The following DNAAF3 variants were observed in gnomAD, a reference collection of about 807,000 sequenced individuals.
The protein encoded by DNAAF3 is UPF0470 protein C19orf51.
In DNAAF3, 40 loss-of-function variants were observed where a neutral mutation model predicts 50.9. That is an observed-to-expected ratio of 0.79 (90% CI 0.61 to 1.02). The LOEUF is 1.02. Among genes scored for constraint, DNAAF3 ranks in the 50% least tolerant of loss-of-function variants. The pLI, the probability that DNAAF3 is intolerant of heterozygous loss-of-function variation, is 0.00. For missense variants in DNAAF3, 763 were observed against 744.7 expected (o/e 1.02, Z -0.29); for synonymous variants, 327 against 322.8 (o/e 1.01, Z -0.14).
intron 3 of DNAAF3, 28 bp downstream of exon 3, chr19:55,165,830 C>G (rs1568868749): frequency 1.2e-6 from 2 of 1,609,926 alleles, no homozygotes; most frequent in Non-Finnish European, 1.7e-6. Context: ...ACTCGGGAAT[C>G]TGGGCTCTCA....
rs2085812933 is a variant in DNAAF3 at position 55,160,842 on chromosome 19, G to T, written c.913-67C>A. ...GGCGGGGCGGGGCTTAGAACGCTGGGAGTCCTCGGTCCAGGACTAGAACTC... is the reference window on the plus strand; with the variant it reads ...GGCGGGGCGGGGCTTAGAACGCTGGTAGTCCTCGGTCCAGGACTAGAACTC... On this transcript the variant is annotated intron_variant, in intron 8 of 11. Transcript: ENST00000524407. This position sits in a 1 kb window ranked among gnomAD's most constrained non-coding sequence, Gnocchi z 4.7. The T allele has an allele frequency of 1.3e-6, 2 of 1,561,428 alleles. No individual in the cohort carries two copies. The highest frequency in any genetic ancestry group is 1.7e-6 in the Non-Finnish European group (2 of 1,162,624).
At chr19:55,163,154 C>T (rs144526638) in intron 4 of DNAAF3, among the ~76,000 whole-genome samples, 5,871 of 151,376 alleles carry the variant, frequency 0.039, 344 homozygotes, top group African/African-American at 0.13. Flanking sequence ...GGACTACAAG[C>T]GCCCGCCACC....
chr19:55,162,226 G>A lies in DNAAF3; in HGVS notation c.387C>T (p.Phe129=), dbSNP rs528126745. The part of the protein sequence containing the change: ...NALLRPPVAA[F]VRAQADLLAH... ...CCAGCAGGTCGGCCTGGGCACGCACGAAGGCGGCCACTGGCGGGCGCAGCA... is the reference window on the plus strand; with the variant it reads ...CCAGCAGGTCGGCCTGGGCACGCACAAAGGCGGCCACTGGCGGGCGCAGCA... The change falls in exon 5 of 12, where the codon TTC becomes TTT. Residue 129 remains phenylalanine, a synonymous_variant. Coordinates refer to ENST00000524407, the MANE Select transcript of DNAAF3 (RefSeq NM_001256715.2). 11 of 1,252,530 alleles carry A rather than the reference G, an allele frequency of 8.8e-6. No homozygotes were observed. Among genetic ancestry groups the A allele is most frequent in the Middle Eastern group, 2.1e-4 (1 of 4,836 alleles). 77.6% of individuals were successfully genotyped at this position (1,252,530 alleles called of 1,614,324 possible). A position where few individuals can be genotyped will look rare whatever the true frequency, so the allele number is the denominator to read the frequency against.
chr19:55,163,202 G>T lies in DNAAF3; in HGVS notation c.323-912C>A, dbSNP rs572377144. 2.4e-4 allele frequency among the ~76,000 whole-genome samples: 37 copies of T among 151,278 alleles called. No homozygotes were observed. The South Asian group carries it at 7.7e-3, about 32-fold the overall frequency. ...TTTTTTGTATTTTTAGTAGAGACGG[G>T]GTTTCACGTGTTAGCCAGGATGGTC... On this transcript the variant is annotated intron_variant, in intron 4 of 11. Coordinates refer to ENST00000524407, the MANE Select transcript of DNAAF3 (RefSeq NM_001256715.2).
At position 55,161,031 on chromosome 19, in the gene DNAAF3, C is replaced by T. The variant is rs986137751; in HGVS notation, c.912+34G>A. 1.3e-6 allele frequency: 2 copies of T among 1,511,610 alleles called. No individual in the cohort carries two copies. Among genetic ancestry groups the T allele is most frequent in the African/African-American group, 2.8e-5 (2 of 71,928 alleles). The allele number at this position is 1,511,610 out of a possible 1,614,324, so 93.6% of individuals were successfully genotyped here. A position where few individuals can be genotyped will look rare whatever the true frequency, so the allele number is the denominator to read the frequency against. On this transcript the variant is annotated intron_variant, in intron 8 of 11. Transcript: ENST00000524407. This position sits in a 1 kb window ranked among gnomAD's most constrained non-coding sequence, Gnocchi z 6.4. ...TTGCGCACCCACCGACCCCCAGCCCCACCTCTACCCCCAGTCCCAGCCTCG... is the reference window on the plus strand; with the variant it reads ...TTGCGCACCCACCGACCCCCAGCCCTACCTCTACCCCCAGTCCCAGCCTCG...
At chr19:55,165,678 G>C (rs2085925879) in intron 3 of DNAAF3, 180 bp downstream of exon 3, 1 of 1,139,044 alleles carries the variant, frequency 8.8e-7, no homozygotes, top group African/African-American at 1.6e-5. Context: ...ATAGAACCCA[G>C]GAGTTCCAAA....
chr19:55,164,590 T>C (rs1380301772), intron 4 of DNAAF3, among the ~76,000 whole-genome samples: 1 of 151,780 alleles, frequency 6.6e-6, no homozygotes, highest in African/African-American at 2.4e-5. Flanking sequence ...AGTGGTGTGA[T>C]CTCGGCTCAC....
chr19:55,162,648 C>T (rs1035905221), intron 4 of DNAAF3: 5 of 1,000,422 alleles, frequency 5.0e-6, no homozygotes, highest in Non-Finnish European at 6.0e-6. Context: ...CCACACTCAC[C>T]GCAGACAGAG....
chr19:55,161,557 T>TC lies in DNAAF3; in HGVS notation c.663+85dup. ...CCCAGGAGTTCAGGCCCCCAAACCC[T>TC]CCTCCCTCAGACTCAGGAGGCCCCC... is the stretch of plus-strand genomic sequence containing the variant. On this transcript the variant is annotated intron_variant, in intron 6 of 11. Coordinates refer to ENST00000524407, the MANE Select transcript of DNAAF3 (RefSeq NM_001256715.2). The surrounding 1 kb of genome is among the most constrained non-coding windows in gnomAD (Gnocchi z 6.4). The TC allele has an allele frequency of 6.8e-7, 1 of 1,461,442 alleles. No individual in the cohort carries two copies. Among genetic ancestry groups the TC allele is most frequent in the South Asian group, 1.4e-5 (1 of 72,612 alleles). 90.5% of individuals were successfully genotyped at this position (1,461,442 alleles called of 1,614,324 possible).
At chr19:55,159,632 TGA>T in intron 10 of DNAAF3, 25 bp from the exon 11 acceptor site, 1 of 1,612,380 alleles carries the variant, frequency 6.2e-7, no homozygotes, top group Non-Finnish European at 8.5e-7. Flanking sequence ...GAGGACAGGC[TGA>T]GATTCAGCTC....
In DNAAF3 at chr19:55,160,723, G is replaced by A. The variant is rs1476094745; in HGVS notation, c.965C>T (p.Ala322Val). ...HNVTELLRDVAAWGRARATGG... is the reference protein window; with the variant it reads ...HNVTELLRDVVAWGRARATGG... ...GGTGGCTCTCGCGCGCCCCCAGGCG[G>A]CCACGTCGCGGAGCAGCTCCGTCAC... is the stretch of plus-strand genomic sequence containing the variant. Residue 322 changes from alanine to valine, a missense_variant, in exon 9 of 12, where the codon GCC becomes GTC. Ala to Val is a moderately conservative substitution (Grantham distance 64). Transcript: ENST00000524407. This position sits in a 1 kb window ranked among gnomAD's most constrained non-coding sequence, Gnocchi z 4.7. 6.2e-7 allele frequency: 1 copy of A among 1,612,938 alleles called. No homozygotes were observed. The highest frequency in any genetic ancestry group is 1.1e-5 in the South Asian group (1 of 91,044).
intron 4 of DNAAF3, 80 bp from the exon 5 acceptor site, chr19:55,162,370 A>G (rs2085853510): frequency 1.6e-6 from 2 of 1,230,054 alleles, no homozygotes; most frequent in Admixed American, 8.4e-5. Context: ...TTATTATGTC[A>G]TAGTCATCTA....
At chr19:55,162,012 G>A (rs1229510257) in intron 5 of DNAAF3, 121 bp downstream of exon 5, 3 of 1,338,064 alleles carry the variant, frequency 2.2e-6, no homozygotes, top group South Asian at 1.9e-5. Flanking sequence ...AGTGGGAGTC[G>A]GGGAACTGGG....
Position 55,161,560 on chromosome 19 carries a change from T to C in DNAAF3, c.663+83A>G. ...AGGAGTTCAGGCCCCCAAACCCTCC[T>C]CCCTCAGACTCAGGAGGCCCCCAGC... On this transcript the variant is annotated intron_variant, in intron 6 of 11. Coordinates refer to ENST00000524407, the MANE Select transcript of DNAAF3 (RefSeq NM_001256715.2). This position sits in a 1 kb window ranked among gnomAD's most constrained non-coding sequence, Gnocchi z 6.4. 1 of 1,456,660 alleles carries C rather than the reference T, an allele frequency of 6.9e-7. No homozygotes were observed. Among genetic ancestry groups the C allele is most frequent in the Non-Finnish European group, 9.1e-7 (1 of 1,104,324 alleles). The allele number at this position is 1,456,660 out of a possible 1,614,324, so 90.2% of individuals were successfully genotyped here. A position where few individuals can be genotyped will look rare whatever the true frequency, so the allele number is the denominator to read the frequency against.
intron 3 of DNAAF3, 140 bp from the exon 4 acceptor site, chr19:55,165,603 T>C (rs922366940): frequency 1.0e-6 from 1 of 976,004 alleles, no homozygotes; most frequent in Non-Finnish European, 1.5e-6. Context: ...CACAGAAGTC[T>C]GTGTCCCCAG....
Position 55,160,585 on chromosome 19 carries a change from G to A in DNAAF3, c.1048+55C>T. 4 of 1,613,126 alleles carry A rather than the reference G, an allele frequency of 2.5e-6. No individual in the cohort carries two copies. Among genetic ancestry groups the A allele is most frequent in the Non-Finnish European group, 3.4e-6 (4 of 1,179,650 alleles). On this transcript the variant is annotated intron_variant, in intron 9 of 11. Transcript: ENST00000524407. This position sits in a 1 kb window ranked among gnomAD's most constrained non-coding sequence, Gnocchi z 4.7. ...AAATCATGTCAGTCCACACTCCAGT[G>A]TGAAACACCTGGAGGCTGGAGTCCC...
At position 55,159,524 on chromosome 19, in the gene DNAAF3, C is replaced by A. The variant is rs375688483; in HGVS notation, c.1238+9G>T. 115 of 1,596,860 alleles carry A rather than the reference C, an allele frequency of 7.2e-5. No homozygotes were observed. The highest frequency in any genetic ancestry group is 8.8e-5 in the Non-Finnish European group (103 of 1,170,430). On this transcript the variant is annotated intron_variant, in intron 11 of 11. Coordinates refer to ENST00000524407, the MANE Select transcript of DNAAF3 (RefSeq NM_001256715.2). ...AGGATGTTCCCCACCCTCCACCCCA[C>A]TGACTCACCGGGCTAATTCCACAAT...
At chr19:55,165,513 C>A in intron 3 of DNAAF3, 50 bp from the exon 4 acceptor site, 1 of 1,588,252 alleles carries the variant, frequency 6.3e-7, no homozygotes, top group Non-Finnish European at 8.6e-7. Context: ...TTGCCTGGGT[C>A]CTAGGAGACC....
intron 4 of DNAAF3, among the ~76,000 whole-genome samples, chr19:55,163,546 G>A (rs576546778): frequency 1.3e-5 from 2 of 149,424 alleles, no homozygotes; most frequent in Non-Finnish European, 3.0e-5. Context: ...CCCACCTCAG[G>A]CTCCCAAAGT....
Sources: gnomAD v4.1 joint callset for allele counts (sites outside exome capture counted in the v4.1 genomes callset) on GRCh38, gnomAD v4.1.1 for gene constraint, Gnocchi (gnomAD v3.1) non-coding constraint, MANE v1.5 for transcripts, NCBI Gene and HGNC (gene_info 2026-07-23, HGNC 2026-07-21) for gene names.